Variants in PRUNE2 observed in about 807,000 individuals in gnomAD.
PRUNE2 encodes prune homolog 2 with BCH domain, also known as protein prune homolog 2.
PRUNE2 carries 164 observed loss-of-function variants against 252.0 expected under a neutral mutation model. The observed-to-expected ratio is 0.65, with a 90% CI of 0.57 to 0.74. PRUNE2 has a LOEUF of 0.74. Ranked by LOEUF, PRUNE2 falls within the 30% of genes least tolerant of loss-of-function variation. The pLI, the probability that PRUNE2 is intolerant of heterozygous loss-of-function variation, is 0.00. For synonymous variants in PRUNE2, 1,292 were observed against 1,350.2 expected, an observed-to-expected ratio of 0.96 and a Z score of 0.94; for missense variants, 3,495 against 3,711.0, an observed-to-expected ratio of 0.94 and a Z score of 1.51.
chr9:76,853,043 A>T (rs1479762541), intron 2 of PRUNE2, among the ~76,000 whole-genome samples: 9 of 152,220 alleles, frequency 5.9e-5, no homozygotes, highest in Non-Finnish European at 1.3e-4. Flanking sequence ...TCAAAATACC[A>T]GTTAACAAAA....
intron 4 of PRUNE2, among the ~76,000 whole-genome samples, chr9:76,838,158 C>A (rs2059161530): frequency 8.9e-6 from 1 of 112,678 alleles, no homozygotes; most frequent in African/African-American, 2.6e-5. Flanking sequence ...CTGATCTTGA[C>A]CTTTTTTTTT....
At chr9:76,760,733 A>G (rs2051630691) in intron 6 of PRUNE2, among the ~76,000 whole-genome samples, 1 of 152,158 alleles carries the variant, frequency 6.6e-6, no homozygotes, top group Non-Finnish European at 1.5e-5. Flanking sequence ...AACCAAGCCG[A>G]AAACCCTGGC....
At chr9:76,761,511 A>C (rs1318154376) in intron 6 of PRUNE2, among the ~76,000 whole-genome samples, 1 of 152,160 alleles carries the variant, frequency 6.6e-6, no homozygotes, top group African/African-American at 2.4e-5. Flanking sequence ...TAAGAATTCT[A>C]CTTTTGTAGA....
intron 2 of PRUNE2, among the ~76,000 whole-genome samples, chr9:76,851,475 G>T (rs1334182007): frequency 1.3e-5 from 2 of 152,028 alleles, no homozygotes; most frequent in Non-Finnish European, 1.5e-5. Flanking sequence ...GTGAACCCGG[G>T]AGGCGGAGCT....
intron 9 of PRUNE2, among the ~76,000 whole-genome samples, chr9:76,690,819 T>C (rs2044638435): frequency 6.6e-6 from 1 of 152,178 alleles, no homozygotes; most frequent in African/African-American, 2.4e-5. Flanking sequence ...CCTCATCTTG[T>C]TGTTCTGAGT....
Position 76,748,892 on chromosome 9 carries a change from G to A in PRUNE2, c.757-35171C>T, listed in dbSNP as rs530208705. On this transcript the variant is annotated intron_variant, in intron 6 of 18. Coordinates refer to ENST00000376718, the MANE Select transcript of PRUNE2 (RefSeq NM_015225.3). ...TACAGTGGGTGCAGGGGTATGTGCT[G>A]AGTGGAGGGAGGTGAACCTAGAATT... 2.6e-5 allele frequency among the ~76,000 whole-genome samples: 4 copies of A among 152,314 alleles called. No individual in the cohort carries two copies. In the East Asian group the frequency reaches 5.8e-4, roughly 22 times the overall value.
intron 9 of PRUNE2, among the ~76,000 whole-genome samples, chr9:76,689,288 C>T (rs554740966): frequency 1.3e-5 from 2 of 152,142 alleles, no homozygotes; most frequent in Non-Finnish European, 2.9e-5. Flanking sequence ...GGAAATGCCA[C>T]CTTATCCTAA....
At chr9:76,765,040 T>A (rs1156663772) in intron 6 of PRUNE2, among the ~76,000 whole-genome samples, 1 of 152,198 alleles carries the variant, frequency 6.6e-6, no homozygotes, top group Non-Finnish European at 1.5e-5. Flanking sequence ...CCATTAGATA[T>A]TTAAATGGAG....
chr9:76,818,345 G>A (rs2057820618), intron 6 of PRUNE2, among the ~76,000 whole-genome samples: 2 of 152,196 alleles, frequency 1.3e-5, no homozygotes, highest in Non-Finnish European at 2.9e-5. Flanking sequence ...ACTGAGGCCT[G>A]AGTAAACGTT....
intron 6 of PRUNE2, among the ~76,000 whole-genome samples, chr9:76,715,545 C>A (rs1041443090): frequency 6.6e-6 from 1 of 152,152 alleles, no homozygotes; most frequent in Non-Finnish European, 1.5e-5. Flanking sequence ...TGATGAACAT[C>A]AAGGATCTAT....
intron 9 of PRUNE2, among the ~76,000 whole-genome samples, chr9:76,681,857 A>T (rs997284570): frequency 2.0e-5 from 3 of 152,230 alleles, no homozygotes; most frequent in African/African-American, 4.8e-5. Flanking sequence ...AGAGGTTATT[A>T]AAAAAACTGG....
chr9:76,855,182 G>A (rs1391586194), intron 1 of PRUNE2, among the ~76,000 whole-genome samples: 1 of 151,096 alleles, frequency 6.6e-6, no homozygotes, highest in African/African-American at 2.4e-5. Context: ...CTTTGTGGAA[G>A]GCTGACATTC....
At chr9:76,826,330 C>T (rs1473928080) in intron 5 of PRUNE2, among the ~76,000 whole-genome samples, 1 of 152,138 alleles carries the variant, frequency 6.6e-6, no homozygotes, top group Admixed American at 6.5e-5. Context: ...CAAAAATTAG[C>T]TGACTGTCAT....
chr9:76,697,321 T>TA (rs1186163931), intron 9 of PRUNE2, among the ~76,000 whole-genome samples: 1 of 152,186 alleles, frequency 6.6e-6, no homozygotes, highest in Non-Finnish European at 1.5e-5. Context: ...TCTCTGGCTG[T>TA]AAAATCCCTC....
chr9:76,639,368 G>A (rs1420835090), intron 12 of PRUNE2, among the ~76,000 whole-genome samples: 1 of 152,142 alleles, frequency 6.6e-6, no homozygotes, highest in Non-Finnish European at 1.5e-5. Context: ...GCACACGCCT[G>A]TAATCCCAGC....
intron 9 of PRUNE2, among the ~76,000 whole-genome samples, chr9:76,674,721 G>C (rs1213013501): frequency 7.9e-6 from 1 of 126,414 alleles, no homozygotes. Flanking sequence ...TAGAGATATA[G>C]ATCAATGGAA....
chr9:76,637,937 G>A (rs928084807), intron 13 of PRUNE2, among the ~76,000 whole-genome samples: 2 of 152,138 alleles, frequency 1.3e-5, no homozygotes, highest in Non-Finnish European at 2.9e-5. Flanking sequence ...TTGCCCAAAG[G>A]AAATGTTACA....
chr9:76,777,540 T>C (rs777530736), intron 6 of PRUNE2, among the ~76,000 whole-genome samples: 3 of 152,244 alleles, frequency 2.0e-5, no homozygotes, highest in Non-Finnish European at 4.4e-5. Context: ...TGTATTCATT[T>C]ATTCAATTCA....
At chr9:76,876,690 T>G (rs1420352132) in intron 1 of PRUNE2, among the ~76,000 whole-genome samples, 1 of 152,152 alleles carries the variant, frequency 6.6e-6, no homozygotes, top group Non-Finnish European at 1.5e-5. Context: ...CTAACTCTTC[T>G]GTTTCTAATA....
Sources: gnomAD v4.1 joint callset for allele counts (sites outside exome capture counted in the v4.1 genomes callset) on GRCh38, gnomAD v4.1.1 for gene constraint, MANE v1.5 for transcripts, NCBI Gene and HGNC (gene_info 2026-07-23, HGNC 2026-07-21) for gene names.